KCTD16: variants seen among roughly 807,000 people sequenced by gnomAD.
KCTD16 encodes the protein potassium channel tetramerization domain containing 16, also known as BTB/POZ domain-containing protein KCTD16.
KCTD16 carries 13 observed loss-of-function variants against 33.2 expected under a neutral mutation model. The ratio of observed to expected loss-of-function variants is 0.39; its 90% CI spans 0.25 to 0.62. The LOEUF is 0.62. KCTD16 is among the 20% of genes least tolerant of loss of function. The probability of loss-of-function intolerance (pLI) is 0.50; values close to 1 mark genes in which losing one functional copy is unlikely to be tolerated. For missense variants in KCTD16, 441 were observed against 525.1 expected (o/e 0.84, Z 1.57); for synonymous variants, 197 against 195.3 (o/e 1.01, Z -0.07).
intron 3 of KCTD16, among the ~76,000 whole-genome samples, chr5:144,226,052 T>C (rs1484794089): frequency 3.3e-5 from 5 of 152,238 alleles, no homozygotes; most frequent in African/African-American, 9.6e-5. Flanking sequence ...ACACTTTTGC[T>C]TTTCCTTATC....
In KCTD16 at chr5:144,347,510, G is replaced by A. The variant is rs568291660; in HGVS notation, c.833-126150G>A. 2.2e-3 allele frequency among the ~76,000 whole-genome samples: 334 copies of A among 152,210 alleles called. 1 individual carries two copies. Among genetic ancestry groups the A allele is most frequent in the African/African-American group, 7.2e-3 (299 of 41,556 alleles). On this transcript the variant is annotated intron_variant, in intron 3 of 3. Transcript: ENST00000512467. Reference sequence around the variant, plus strand: ...CTTGGGAGGCTGAAGCAGGAGAATCGCTTGAACTGGGGAGGCGGAAGTTGC... The same window carrying A: ...CTTGGGAGGCTGAAGCAGGAGAATCACTTGAACTGGGGAGGCGGAAGTTGC...
chr5:144,387,406 A>AT (rs1283918996), intron 3 of KCTD16, among the ~76,000 whole-genome samples: 1 of 152,158 alleles, frequency 6.6e-6, no homozygotes, highest in Admixed American at 6.5e-5. Flanking sequence ...AAGGTCACAT[A>AT]TTTAATAGTG....
chr5:144,205,076 G>A (rs1192529689), intron 2 of KCTD16, among the ~76,000 whole-genome samples: 6 of 152,106 alleles, frequency 3.9e-5, no homozygotes, highest in Admixed American at 1.3e-4. Context: ...CTTGGGTAGG[G>A]GGCAGGGATT....
At chr5:144,296,214 G>C (rs1344278592) in intron 3 of KCTD16, among the ~76,000 whole-genome samples, 1 of 142,572 alleles carries the variant, frequency 7.0e-6, no homozygotes, top group Non-Finnish European at 1.6e-5. Context: ...CCCAGAAATG[G>C]TAAAAAAAAT....
intron 2 of KCTD16, among the ~76,000 whole-genome samples, chr5:144,199,336 A>G (rs1752997705): frequency 6.6e-6 from 1 of 152,242 alleles, no homozygotes. Flanking sequence ...AGCAGACATA[A>G]AGAAGACTCC....
At chr5:144,314,872 C>T (rs1418917376) in intron 3 of KCTD16, among the ~76,000 whole-genome samples, 1 of 152,140 alleles carries the variant, frequency 6.6e-6, no homozygotes, top group African/African-American at 2.4e-5. Context: ...ACCTAAATCA[C>T]ACATCTTTGC....
intron 2 of KCTD16, among the ~76,000 whole-genome samples, chr5:144,202,324 C>T (rs1218383657): frequency 6.6e-6 from 1 of 152,218 alleles, no homozygotes; most frequent in Non-Finnish European, 1.5e-5. Flanking sequence ...TGTTAAGGCA[C>T]CAAACAGCCG....
chr5:144,399,679 C>G (rs1459055272), intron 3 of KCTD16, among the ~76,000 whole-genome samples: 1 of 152,082 alleles, frequency 6.6e-6, no homozygotes, highest in Non-Finnish European at 1.5e-5. Flanking sequence ...ACCAGATGAA[C>G]AAACAATTTT....
At chr5:144,470,986 G>C (rs1344490156) in intron 3 of KCTD16, among the ~76,000 whole-genome samples, 1 of 152,150 alleles carries the variant, frequency 6.6e-6, no homozygotes, top group Non-Finnish European at 1.5e-5. Flanking sequence ...TTCAAGACAA[G>C]CCTGGCTATG....
At chr5:144,472,822 C>T (rs879561363) in intron 3 of KCTD16, among the ~76,000 whole-genome samples, 17 of 152,122 alleles carry the variant, frequency 1.1e-4, no homozygotes, top group Non-Finnish European at 2.5e-4. Flanking sequence ...GAGAGGTTAA[C>T]AAGAAATTCA....
chr5:144,286,406 C>T (rs1039870237), intron 3 of KCTD16, among the ~76,000 whole-genome samples: 1 of 152,114 alleles, frequency 6.6e-6, no homozygotes, highest in African/African-American at 2.4e-5. Context: ...TCAAAAGCCT[C>T]TAAGATTTGT....
chr5:144,213,270 G>A (rs1753454374), intron 3 of KCTD16, among the ~76,000 whole-genome samples: 1 of 151,770 alleles, frequency 6.6e-6, no homozygotes, highest in Non-Finnish European at 1.5e-5. Context: ...TAACTTATAT[G>A]CAACAAAGTG....
chr5:144,215,190 A>G (rs1753524144), intron 3 of KCTD16, among the ~76,000 whole-genome samples: 1 of 152,184 alleles, frequency 6.6e-6, no homozygotes, highest in Non-Finnish European at 1.5e-5. Context: ...TTCTAGCTCT[A>G]GGGAACTGAG....
intron 3 of KCTD16, among the ~76,000 whole-genome samples, chr5:144,357,921 A>T (rs901277222): frequency 6.6e-6 from 1 of 151,666 alleles, no homozygotes; most frequent in African/African-American, 2.4e-5. Context: ...ATTAATTTTT[A>T]TTTATTTATT....
chr5:144,286,726 TTTAAGAATA>T lies in KCTD16; in HGVS notation c.832+79183_832+79191del, dbSNP rs573830563. ...TTATGCCCATGTCTCCATGATTAAT[TTTAAGAATA>T]TTGCAAAGTCCTTTCATATATATCG... On this transcript the variant is annotated intron_variant, in intron 3 of 3. Transcript: ENST00000512467. Among the ~76,000 whole-genome samples the T allele has an allele frequency of 3.1e-4, 47 of 152,334 alleles. 1 individual carries two copies. The highest frequency in any genetic ancestry group is 1.0e-3 in the African/African-American group (42 of 41,566).
chr5:144,241,595 A>G (rs767713289), intron 3 of KCTD16, among the ~76,000 whole-genome samples: 1 of 152,166 alleles, frequency 6.6e-6, no homozygotes, highest in African/African-American at 2.4e-5. Context: ...CTTTATTGCT[A>G]TCACTCCCCT....
At position 144,465,475 on chromosome 5, in the gene KCTD16, G is replaced by A. The variant is rs186352103; in HGVS notation, c.833-8185G>A. On this transcript the variant is annotated intron_variant, in intron 3 of 3. Transcript: ENST00000512467. ...CTGACACCCTTTCTTTCTCCAGGCT[G>A]TGTTTCCTCATTGTAAAAATGAGGG... 3.9e-3 allele frequency among the ~76,000 whole-genome samples: 587 copies of A among 152,084 alleles called. 2 individuals are homozygous for A. The highest frequency in any genetic ancestry group is 0.013 in the African/African-American group (555 of 41,474).
At chr5:144,473,638 G>T in intron 3 of KCTD16, 22 bp from the exon 4 acceptor site, 1 of 1,570,876 alleles carries the variant, frequency 6.4e-7, no homozygotes, top group Non-Finnish European at 8.7e-7. Flanking sequence ...TTAATCCTTT[G>T]GGTCCTTTGC....
intron 3 of KCTD16, among the ~76,000 whole-genome samples, chr5:144,324,626 G>A (rs777892837): frequency 1.3e-4 from 20 of 152,106 alleles, no homozygotes; most frequent in Non-Finnish European, 2.2e-4. Flanking sequence ...ACATGCACTC[G>A]TATGTTCACT....
Sources: gnomAD v4.1 joint callset for allele counts (sites outside exome capture counted in the v4.1 genomes callset) on GRCh38, gnomAD v4.1.1 for gene constraint, MANE v1.5 for transcripts, NCBI Gene and HGNC (gene_info 2026-07-23, HGNC 2026-07-21) for gene names.